Variants in PIK3CG observed in about 807,000 individuals in gnomAD.
PIK3CG encodes the protein phosphatidylinositol 4,5-bisphosphate 3-kinase catalytic subunit gamma isoform.
PIK3CG carries 55 observed loss-of-function variants against 102.3 expected under a neutral mutation model. The observed-to-expected ratio is 0.54, with a 90% CI of 0.43 to 0.67. The LOEUF (loss-of-function observed/expected upper bound fraction) is 0.67, where lower values mean the gene tolerates loss of function less well. Ranked by LOEUF, PIK3CG falls within the 30% of genes least tolerant of loss-of-function variation. The pLI, the probability that PIK3CG is intolerant of heterozygous loss-of-function variation, is 0.00. For missense variants in PIK3CG, 1,258 were observed against 1,391.8 expected, an observed-to-expected ratio of 0.90 and a Z score of 1.53; for synonymous variants, 552 against 540.0, an observed-to-expected ratio of 1.02 and a Z score of -0.31.
chr7:106,901,134 G>A (rs893906916), intron 10 of PIK3CG, among the ~76,000 whole-genome samples: 1 of 152,146 alleles, frequency 6.6e-6, no homozygotes, highest in Non-Finnish European at 1.5e-5. Context: ...CATGGATGAT[G>A]TCCTGAAATG....
Position 106,872,645 on chromosome 7 carries a change from C to T in PIK3CG, c.2061+43C>T, listed in dbSNP as rs1302334864. 8 of 1,599,532 alleles carry T rather than the reference C, an allele frequency of 5.0e-6. No homozygotes were observed. The highest frequency in any genetic ancestry group is 6.9e-6 in the Non-Finnish European group (8 of 1,166,882). On this transcript the variant is annotated intron_variant, in intron 3 of 10. Transcript: ENST00000496166. This position sits in a 1 kb window ranked among gnomAD's most constrained non-coding sequence, Gnocchi z 5.3. Reference sequence around the variant, plus strand: ...GATAATAGCGTGAAATTTTAAGTTGCCAAGAATTAACTGGTAGACCTAAAG... The same window carrying T: ...GATAATAGCGTGAAATTTTAAGTTGTCAAGAATTAACTGGTAGACCTAAAG...
At position 106,907,227 on chromosome 7, in the gene PIK3CG, T is replaced by G. The variant is rs1207819308; in HGVS notation, c.*1840T>G. ...CAGACATCAATATTTTTCTAGATTC[T>G]TCAGGTGATTCTAATTCACAGCCAG... On this transcript the variant is annotated 3_prime_UTR_variant, in exon 11 of 11. Transcript: ENST00000496166. The G allele has an allele frequency of 1.2e-5, 2 of 161,902 alleles. No homozygotes were observed. Among genetic ancestry groups the G allele is most frequent in the African/African-American group, 4.8e-5 (2 of 41,814 alleles). 10.0% of individuals were successfully genotyped at this position (161,902 alleles called of 1,614,324 possible). A position where few individuals can be genotyped will look rare whatever the true frequency, so the allele number is the denominator to read the frequency against.
intron 10 of PIK3CG, among the ~76,000 whole-genome samples, chr7:106,904,604 A>G (rs1791641962): frequency 6.6e-6 from 1 of 152,248 alleles, no homozygotes; most frequent in Non-Finnish European, 1.5e-5. Flanking sequence ...AATTTTGATT[A>G]TCAGAGTGAA....
chr7:106,889,429 G>C (rs1791211334), intron 10 of PIK3CG, among the ~76,000 whole-genome samples: 1 of 152,092 alleles, frequency 6.6e-6, no homozygotes, highest in African/African-American at 2.4e-5. Context: ...TAGAATTGAA[G>C]TTCTTCAAGA....
At position 106,907,764 on chromosome 7, in the gene PIK3CG, T is replaced by TAACATATATATGCTAATATATA. The variant is rs1791725744; in HGVS notation, c.*2378_*2399dup. 6.9e-6 allele frequency among the ~76,000 whole-genome samples: 1 copy of TAACATATATATGCTAATATATA among 145,948 alleles called. No homozygotes were observed. Among genetic ancestry groups the TAACATATATATGCTAATATATA allele is most frequent in the Non-Finnish European group, 1.5e-5 (1 of 66,804 alleles). On this transcript the variant is annotated 3_prime_UTR_variant, in exon 11 of 11. Transcript: ENST00000496166. ...TAACATATATATGCTAATATATATA[T>TAACATATATATGCTAATATATA]AACATATATATGCTAATATATATAT...
At position 106,872,791 on chromosome 7, in the gene PIK3CG, G is replaced by T. The variant is rs773788683; in HGVS notation, c.2140G>T (p.Ala714Ser). 62 of 1,614,012 alleles carry T rather than the reference G, an allele frequency of 3.8e-5. No individual in the cohort carries two copies. Among genetic ancestry groups the T allele is most frequent in the Non-Finnish European group, 5.1e-5 (60 of 1,179,994 alleles). The change falls in exon 4 of 11, where the codon GCT becomes TCT. Residue 714 changes from alanine to serine, a missense_variant. Ala to Ser is a moderately conservative substitution (Grantham distance 99, BLOSUM62 1). Around this residue, in one of 2 missense-constraint regions of PIK3CG, gnomAD observed 426 missense variants for 604.2 expected, o/e 0.71. Coordinates refer to ENST00000496166, the MANE Select transcript of PIK3CG (RefSeq NM_001282426.2). This position sits in a 1 kb window ranked among gnomAD's most constrained non-coding sequence, Gnocchi z 5.3. Reference protein sequence around the residue: ...AQSRHYQQRFAVILEAYLRGC... With the variant: ...AQSRHYQQRFSVILEAYLRGC... ...GTCCAGACACTATCAGCAGAGGTTCGCTGTGATTCTGGAAGCCTATCTGAG... is the reference window on the plus strand; with the variant it reads ...GTCCAGACACTATCAGCAGAGGTTCTCTGTGATTCTGGAAGCCTATCTGAG...
rs1031471948 is a variant in PIK3CG, at chr7:106,867,129, A to G, written c.-12-421A>G. Among the ~76,000 whole-genome samples the G allele has an allele frequency of 6.6e-6, 1 of 152,216 alleles. No homozygotes were observed. The stretch of plus-strand genomic sequence containing the variant: ...AGAACAATGTCCATTCTGAGCCATT[A>G]TAATGTGTCATGCGCTGTGCTGGAT... On this transcript the variant is annotated intron_variant, in intron 1 of 10. Transcript: ENST00000496166. This position sits in a 1 kb window ranked among gnomAD's most constrained non-coding sequence, Gnocchi z 5.1.
chr7:106,900,772 C>A (rs1404765046), intron 10 of PIK3CG, among the ~76,000 whole-genome samples: 1 of 152,170 alleles, frequency 6.6e-6, no homozygotes, highest in East Asian at 1.9e-4. Flanking sequence ...ATTCCCTCAA[C>A]ATTTGCTTAT....
In PIK3CG at chr7:106,884,010, T is replaced by C; in HGVS notation, c.2761-145T>C. 1.6e-6 allele frequency: 1 copy of C among 624,114 alleles called. No homozygotes were observed. The highest frequency in any genetic ancestry group is 2.8e-6 in the Non-Finnish European group (1 of 355,298). The allele number at this position is 624,114 out of a possible 1,614,324, so 38.7% of individuals were successfully genotyped here. On this transcript the variant is annotated intron_variant, in intron 8 of 10. Transcript: ENST00000496166. This position sits in a 1 kb window ranked among gnomAD's most constrained non-coding sequence, Gnocchi z 4.2. ...GAGCAATGAGAAAGTTGGCAATTCA[T>C]AGATATAATGCTAATGAAATCAGGC... is the stretch of plus-strand genomic sequence containing the variant.
chr7:106,905,515 C>T lies in PIK3CG; in HGVS notation c.*128C>T. 2 of 799,030 alleles carry T rather than the reference C, an allele frequency of 2.5e-6. No homozygotes were observed. Among genetic ancestry groups the T allele is most frequent in the Non-Finnish European group, 3.9e-6 (2 of 506,758 alleles). The allele number at this position is 799,030 out of a possible 1,614,324, so 49.5% of individuals were successfully genotyped here. Reference sequence around the variant, plus strand: ...GCATTTCAGAAGTATAGCTCTTTTCCTACCTGAACTCTTCCCTGGAGAAAA... The same window carrying T: ...GCATTTCAGAAGTATAGCTCTTTTCTTACCTGAACTCTTCCCTGGAGAAAA... On this transcript the variant is annotated 3_prime_UTR_variant, in exon 11 of 11. Transcript: ENST00000496166. The surrounding 1 kb of genome is among the most constrained non-coding windows in gnomAD (Gnocchi z 5.6).
rs1226137439 is a variant in PIK3CG at position 106,868,830 on chromosome 7, G to A, written c.1269G>A (p.Leu423=). The change falls in exon 2 of 11, where the codon TTG becomes TTA. Residue 423 remains leucine (L), a synonymous_variant. Transcript: ENST00000496166. The surrounding 1 kb of genome is among the most constrained non-coding windows in gnomAD (Gnocchi z 6.2). ...WLEFSIKIKD[L]PKGALLNLQI... ...AGTTCAGTATCAAAATCAAAGACTT[G>A]CCCAAAGGGGCTCTACTGAACCTCC... 6.2e-7 allele frequency: 1 copy of A among 1,614,178 alleles called. No homozygotes were observed. Among genetic ancestry groups the A allele is most frequent in the Non-Finnish European group, 8.5e-7 (1 of 1,180,024 alleles).
chr7:106,896,107 A>G (rs1041092794), intron 10 of PIK3CG, among the ~76,000 whole-genome samples: 1 of 152,246 alleles, frequency 6.6e-6, no homozygotes, highest in African/African-American at 2.4e-5. Flanking sequence ...ATAAATTAGA[A>G]TCAACAGAAA....
rs1791685291 is a variant in PIK3CG at position 106,906,412 on chromosome 7, C to T, written c.*1025C>T. 1 of 227,128 alleles carries T rather than the reference C, an allele frequency of 4.4e-6. No individual in the cohort carries two copies. Among genetic ancestry groups the T allele is most frequent in the South Asian group, 1.8e-4 (1 of 5,452 alleles). 14.1% of individuals were successfully genotyped at this position (227,128 alleles called of 1,614,324 possible). On this transcript the variant is annotated 3_prime_UTR_variant, in exon 11 of 11. Coordinates refer to ENST00000496166, the MANE Select transcript of PIK3CG (RefSeq NM_001282426.2). ...GAAAATATGAATTAGTTTCCAAATG[C>T]CTTAATTTTAAACTTTGGCCTGAAC...
Position 106,877,654 on chromosome 7 carries a change from C to T in PIK3CG, c.2392-1865C>T, listed in dbSNP as rs73186297. On this transcript the variant is annotated intron_variant, in intron 5 of 10. Coordinates refer to ENST00000496166, the MANE Select transcript of PIK3CG (RefSeq NM_001282426.2). The surrounding 1 kb of genome is among the most constrained non-coding windows in gnomAD (Gnocchi z 4.5). ...GTTTTGTTTTGTTTTTCCTGGAGAA[C>T]TACCTTGGCACCTTTGTCAAGTATC... is the stretch of plus-strand genomic sequence containing the variant. 0.011 allele frequency among the ~76,000 whole-genome samples: 1,635 copies of T among 151,238 alleles called. 5 individuals carry two copies. Among genetic ancestry groups the T allele is most frequent in the Middle Eastern group, 0.055 (16 of 292 alleles).
intron 5 of PIK3CG, among the ~76,000 whole-genome samples, chr7:106,876,431 G>A (rs887572700): frequency 2.0e-5 from 3 of 147,086 alleles, no homozygotes; most frequent in South Asian, 2.1e-4. Context: ...TCGCTCTGTC[G>A]CCCAGGGTGG....
chr7:106,894,215 T>TCTTTTTGGAACAAAAAGTCCA lies in PIK3CG; in HGVS notation c.3030+7924_3030+7925insTTTTTGGAACAAAAAGTCCAC, dbSNP rs1241134934. Among the ~76,000 whole-genome samples the TCTTTTTGGAACAAAAAGTCCA allele has an allele frequency of 6.6e-6, 1 of 152,010 alleles. No individual in the cohort carries two copies. Among genetic ancestry groups the TCTTTTTGGAACAAAAAGTCCA allele is most frequent in the Non-Finnish European group, 1.5e-5 (1 of 68,000 alleles). ...GTATCTCCAAATAGTCCACCTTAAATCCTTTTTGGAACAAGGCTGAAGGAT... is the reference window on the plus strand; with the variant it reads ...GTATCTCCAAATAGTCCACCTTAAATCTTTTTGGAACAAAAAGTCCACCTTTTTGGAACAAGGCTGAAGGAT... On this transcript the variant is annotated intron_variant, in intron 10 of 10. Coordinates refer to ENST00000496166, the MANE Select transcript of PIK3CG (RefSeq NM_001282426.2). This position sits in a 1 kb window ranked among gnomAD's most constrained non-coding sequence, Gnocchi z 4.4.
Position 106,867,448 on chromosome 7 carries a change from G to C in PIK3CG, c.-12-102G>C, listed in dbSNP as rs1790325222. 1 of 1,049,818 alleles carries C rather than the reference G, an allele frequency of 9.5e-7. No individual in the cohort carries two copies. Among genetic ancestry groups the C allele is most frequent in the African/African-American group, 1.6e-5 (1 of 62,672 alleles). The allele number at this position is 1,049,818 out of a possible 1,614,324, so 65.0% of individuals were successfully genotyped here. A position where few individuals can be genotyped will look rare whatever the true frequency, so the allele number is the denominator to read the frequency against. ...ATACTTGGTCCCTCTGGGTCCCTGT[G>C]CACATGTACGCCGCCTATACCTCCT... On this transcript the variant is annotated intron_variant, in intron 1 of 10. Coordinates refer to ENST00000496166, the MANE Select transcript of PIK3CG (RefSeq NM_001282426.2). The surrounding 1 kb of genome is among the most constrained non-coding windows in gnomAD (Gnocchi z 5.1).
At chr7:106,882,930 A>AAT in intron 7 of PIK3CG, 103 bp from the exon 8 acceptor site, 1 of 968,496 alleles carries the variant, frequency 1.0e-6, no homozygotes, top group Non-Finnish European at 1.5e-6. Context: ...AAAAAAAAAA[A>AAT]AAAAAAACCC....
In PIK3CG at chr7:106,895,613, C is replaced by G. The variant is rs1791387689; in HGVS notation, c.3030+9321C>G. ...GAGGCTTATCCCCAACTCCAACCTA[C>G]CTCACCCCCTAGGCCTTTACTAAGA... On this transcript the variant is annotated intron_variant, in intron 10 of 10. Coordinates refer to ENST00000496166, the MANE Select transcript of PIK3CG (RefSeq NM_001282426.2). This position sits in a 1 kb window ranked among gnomAD's most constrained non-coding sequence, Gnocchi z 5.4. Among the ~76,000 whole-genome samples the G allele has an allele frequency of 6.6e-6, 1 of 152,156 alleles. No homozygotes were observed. The highest frequency in any genetic ancestry group is 2.4e-5 in the African/African-American group (1 of 41,438).
Sources: gnomAD v4.1 joint callset for allele counts (sites outside exome capture counted in the v4.1 genomes callset) on GRCh38, gnomAD v4.1.1 for gene constraint, gnomAD v4.1.1 regional missense constraint, Gnocchi (gnomAD v3.1) non-coding constraint, MANE v1.5 for transcripts, NCBI Gene and HGNC (gene_info 2026-07-23, HGNC 2026-07-21) for gene names.